Variants in CSMD1 observed in about 807,000 individuals in gnomAD.
CSMD1 encodes CUB and sushi domain-containing protein 1.
In CSMD1, 213 loss-of-function variants were observed where a neutral mutation model predicts 417.5. The ratio of observed to expected loss-of-function variants is 0.51; its 90% CI spans 0.46 to 0.57. The LOEUF (loss-of-function observed/expected upper bound fraction) is 0.57, where lower values mean the gene tolerates loss of function less well. Ranked by LOEUF, CSMD1 falls within the 20% of genes least tolerant of loss-of-function variation. The probability of loss-of-function intolerance (pLI) is 0.00; values close to 1 mark genes in which losing one functional copy is unlikely to be tolerated. For synonymous variants in CSMD1, 2,862 were observed against 1,736.8 expected, an observed-to-expected ratio of 1.65 and a Z score of -16.11; for missense variants, 6,923 against 4,529.7, an observed-to-expected ratio of 1.53 and a Z score of -15.17.
chr8:3,707,426 A>C (rs940105997), intron 7 of CSMD1, among the ~76,000 whole-genome samples: 4 of 152,222 alleles, frequency 2.6e-5, no homozygotes, highest in African/African-American at 9.6e-5. Flanking sequence ...GAGCAAGGCT[A>C]GAAACATCAC....
intron 36 of CSMD1, among the ~76,000 whole-genome samples, chr8:3,184,685 C>G (rs771139116): frequency 3.9e-4 from 59 of 152,218 alleles, no homozygotes; most frequent in Non-Finnish European, 7.3e-4. Flanking sequence ...ACTTCCTGAT[C>G]TATACTGTGC....
chr8:3,211,777 A>G (rs1797624146), intron 30 of CSMD1, among the ~76,000 whole-genome samples: 1 of 152,182 alleles, frequency 6.6e-6, no homozygotes, highest in African/African-American at 2.4e-5. Flanking sequence ...TCCAGAAGGG[A>G]GGATCCTCAA....
chr8:4,459,325 G>T (rs554343591), intron 2 of CSMD1, among the ~76,000 whole-genome samples: 21 of 152,268 alleles, frequency 1.4e-4, no homozygotes, highest in Admixed American at 7.2e-4. Context: ...ATGCCACCAG[G>T]AGCAAACCAA....
chr8:4,412,159 T>A (rs189915280), intron 3 of CSMD1, among the ~76,000 whole-genome samples: 2 of 152,288 alleles, frequency 1.3e-5, no homozygotes, highest in Non-Finnish European at 2.9e-5. Context: ...AATGTGCCTC[T>A]GATATAGTTC....
In CSMD1 at chr8:3,505,459, C is replaced by T. The variant is rs187286758; in HGVS notation, c.1345-11733G>A. 4.7e-3 allele frequency among the ~76,000 whole-genome samples: 720 copies of T among 152,174 alleles called. 11 individuals are homozygous for T. The highest frequency in any genetic ancestry group is 8.0e-3 in the Non-Finnish European group (543 of 68,020). ...AAAAATAATGGAAGATACACTTTCA[C>T]GACTGATTAAAGAGTTGAGAAGGAA... On this transcript the variant is annotated intron_variant, in intron 10 of 69. Coordinates refer to ENST00000635120, the MANE Select transcript of CSMD1 (RefSeq NM_033225.6).
chr8:4,804,181 A>T (rs1798459224), intron 1 of CSMD1, among the ~76,000 whole-genome samples: 1 of 152,138 alleles, frequency 6.6e-6, no homozygotes, highest in South Asian at 2.1e-4. Flanking sequence ...GAACCAAATA[A>T]TGAATTAATT....
chr8:3,571,315 C>T (rs915007764), intron 10 of CSMD1, among the ~76,000 whole-genome samples: 1 of 152,176 alleles, frequency 6.6e-6, no homozygotes, highest in African/African-American at 2.4e-5. Flanking sequence ...CAGTAGGCAC[C>T]TTGCTATCTC....
At chr8:4,334,613 T>G (rs1227102004) in intron 3 of CSMD1, among the ~76,000 whole-genome samples, 1 of 152,158 alleles carries the variant, frequency 6.6e-6, no homozygotes, top group African/African-American at 2.4e-5. Flanking sequence ...CTGTATTTCC[T>G]CTGGAGAATG....
At chr8:3,778,915 C>T (rs1227729182) in intron 5 of CSMD1, among the ~76,000 whole-genome samples, 3 of 152,148 alleles carry the variant, frequency 2.0e-5, no homozygotes, top group African/African-American at 4.8e-5. Flanking sequence ...CCCGGATCAA[C>T]AACAATCTCT....
intron 3 of CSMD1, among the ~76,000 whole-genome samples, chr8:4,226,543 A>T (rs1272699501): frequency 6.6e-6 from 1 of 152,218 alleles, no homozygotes; most frequent in East Asian, 1.9e-4. Context: ...GATCCTAAAA[A>T]ATCATGGATA....
chr8:3,589,303 C>T (rs1331803189), intron 8 of CSMD1, among the ~76,000 whole-genome samples: 3 of 152,042 alleles, frequency 2.0e-5, no homozygotes, highest in South Asian at 2.1e-4. Context: ...GTCACTGCAG[C>T]GTTACTCACA....
chr8:3,947,748 A>C (rs776570009), intron 5 of CSMD1, among the ~76,000 whole-genome samples: 9 of 152,184 alleles, frequency 5.9e-5, no homozygotes, highest in Non-Finnish European at 1.2e-4. Flanking sequence ...AGTTTATCTT[A>C]GTGAATGTTC....
rs1455996011 is a variant in CSMD1 at position 3,367,125 on chromosome 8, T to A, written c.3022A>T (p.Ile1008Phe). ...RLTGSVLPHTIKAGLFGNFTA... is the reference protein window; with the variant it reads ...RLTGSVLPHTFKAGLFGNFTA... ...AAGTTTCCAAACAGGCCTGCCTTGA[T>A]CGTATGAGGCAACACCGACCCGGTG... Residue 1008 changes from isoleucine (I) to phenylalanine (F), a missense_variant, in exon 20 of 70, where the codon ATC (isoleucine) becomes TTC (phenylalanine). By Grantham distance (21) the Ile-to-Phe change is conservative (BLOSUM62 0). Coordinates refer to ENST00000635120, the MANE Select transcript of CSMD1 (RefSeq NM_033225.6). The A allele has an allele frequency of 1.9e-6, 3 of 1,613,682 alleles. No individual in the cohort carries two copies. In the South Asian group the frequency reaches 3.3e-5, roughly 18 times the overall value.
intron 3 of CSMD1, among the ~76,000 whole-genome samples, chr8:4,337,745 T>A (rs1055134039): frequency 6.6e-6 from 1 of 152,156 alleles, no homozygotes; most frequent in Admixed American, 6.5e-5. Flanking sequence ...AATGGATTAG[T>A]AGTACAGCCT....
At chr8:3,429,453 A>T (rs1814070032) in intron 12 of CSMD1, among the ~76,000 whole-genome samples, 1 of 152,182 alleles carries the variant, frequency 6.6e-6, no homozygotes, top group Admixed American at 6.5e-5. Flanking sequence ...TGTCCAAAGC[A>T]ACACTTGTAC....
chr8:3,563,443 A>T (rs1799560722), intron 10 of CSMD1, among the ~76,000 whole-genome samples: 1 of 60,368 alleles, frequency 1.7e-5, no homozygotes, highest in African/African-American at 1.0e-4. Context: ...ATTAAAAGGT[A>T]AAAAAAAAAA....
chr8:3,624,587 G>A lies in CSMD1; in HGVS notation c.1010-7790C>T, dbSNP rs867779037. On this transcript the variant is annotated intron_variant, in intron 7 of 69. Transcript: ENST00000635120. ...AACTGTAACCATTTAAGCCTTCAGA[G>A]AGGTGACGTATGTTTTTATCTGCAT... is the stretch of plus-strand genomic sequence containing the variant. Among the ~76,000 whole-genome samples, 6 of 152,270 alleles carry A rather than the reference G, an allele frequency of 3.9e-5. No individual in the cohort carries two copies. In the South Asian group the frequency reaches 1.2e-3, roughly 32 times the overall value.
At chr8:2,997,164 G>A (rs1373104645) in intron 54 of CSMD1, among the ~76,000 whole-genome samples, 1 of 152,242 alleles carries the variant, frequency 6.6e-6, no homozygotes, top group East Asian at 1.9e-4. Context: ...TTCTGATCCT[G>A]ACAGTGACTA....
At chr8:4,256,645 C>G (rs549323280) in intron 3 of CSMD1, among the ~76,000 whole-genome samples, 157 of 152,230 alleles carry the variant, frequency 1.0e-3, no homozygotes, top group Non-Finnish European at 1.0e-3. Context: ...AGGGGGCGCC[C>G]CAAGTCACAG....
Sources: gnomAD v4.1 joint callset for allele counts (sites outside exome capture counted in the v4.1 genomes callset) on GRCh38, gnomAD v4.1.1 for gene constraint, MANE v1.5 for transcripts, NCBI Gene and HGNC (gene_info 2026-07-23, HGNC 2026-07-21) for gene names.